Variants in TOGARAM2 observed in about 807,000 individuals in gnomAD.
TOGARAM2 encodes TOG array regulator of axonemal microtubules protein 2.
A neutral mutation model predicts 93.3 loss-of-function variants in TOGARAM2; 85 were observed. The observed-to-expected ratio is 0.91, with a 90% confidence interval of 0.76 to 1.09. The LOEUF (loss-of-function observed/expected upper bound fraction) is 1.09. Ranked by LOEUF, TOGARAM2 falls within the 50% of genes least tolerant of loss-of-function variation. The pLI is 0.00. For missense variants in TOGARAM2, 1,277 were observed against 1,334.5 expected, an observed-to-expected ratio of 0.96 and a Z score of 0.67; for synonymous variants, 593 against 552.8, an observed-to-expected ratio of 1.07 and a Z score of -1.02.
intron 17 of TOGARAM2, 125 bp downstream of exon 17, chr2:29,035,781 C>A: frequency 1.0e-6 from 1 of 956,674 alleles, no homozygotes; most frequent in Non-Finnish European, 1.4e-6. Context: ...GCCTTTGTAA[C>A]ATGGAGACTA....
chr2:29,045,302 T>G, intron 18 of TOGARAM2, 22 bp from the exon 19 acceptor site: 2 of 1,606,906 alleles, frequency 1.2e-6, no homozygotes, highest in Non-Finnish European at 1.7e-6. Flanking sequence ...GTGTGGCCAC[T>G]GACATCCCCC....
At chr2:29,014,287 A>G in intron 7 of TOGARAM2, 108 bp from the exon 8 acceptor site, 2 of 1,332,710 alleles carry the variant, frequency 1.5e-6, no homozygotes, top group Non-Finnish European at 2.1e-6. Flanking sequence ...CCATTGAGGA[A>G]GAATTGAGGG....
intron 18 of TOGARAM2, among the ~76,000 whole-genome samples, chr2:29,043,536 TCCTGGGTC>T (rs1216473778): frequency 2.2e-5 from 3 of 136,166 alleles, no homozygotes; most frequent in African/African-American, 8.0e-5. Flanking sequence ...GAAGGTCAGC[TCCTGGGTC>T]CCAGGATACA....
At chr2:29,016,578 T>C (rs935558989) in intron 8 of TOGARAM2, among the ~76,000 whole-genome samples, 1 of 152,332 alleles carries the variant, frequency 6.6e-6, no homozygotes, top group African/African-American at 2.4e-5. Context: ...CCCCCACCAG[T>C]GGAAGGCAGA....
At chr2:29,026,222 T>C (rs1665350294) in intron 13 of TOGARAM2, among the ~76,000 whole-genome samples, 1 of 152,230 alleles carries the variant, frequency 6.6e-6, no homozygotes, top group East Asian at 1.9e-4. Context: ...CTGTTCTCTG[T>C]ACATTCAGGC....
chr2:29,003,579 GC>G lies in TOGARAM2; in HGVS notation c.729del (p.Arg244GlyfsTer28). 2 of 1,596,420 alleles carry G rather than the reference GC, an allele frequency of 1.3e-6. No individual in the cohort carries two copies. Among genetic ancestry groups the G allele is most frequent in the South Asian group, 1.1e-5 (1 of 87,674 alleles). Reference sequence around the variant, plus strand: ...CATCGTGATCCCACCCATCCCAAAGGCCAGGACGGTTGCAGCGACCCCCTCC... The same window carrying G: ...CATCGTGATCCCACCCATCCCAAAGGCAGGACGGTTGCAGCGACCCCCTCC... Reference protein sequence around the residue: ...GAIVIPPIPKARTVAATPSRV... With the variant: ...GAIVIPPIPKXRTVAATPSRV... On this transcript the variant is annotated frameshift_variant, in exon 6 of 20. Transcript: ENST00000379558. LOFTEE classifies it high-confidence loss of function.
chr2:29,005,447 A>G (rs1314614819), intron 6 of TOGARAM2, among the ~76,000 whole-genome samples: 3 of 132,228 alleles, frequency 2.3e-5, no homozygotes, highest in African/African-American at 6.0e-5. Context: ...GAGTGCATGT[A>G]TGTGAGAGCA....
At chr2:29,024,403 G>T in intron 13 of TOGARAM2, 29 bp downstream of exon 13, 2 of 1,572,908 alleles carry the variant, frequency 1.3e-6, no homozygotes, top group Non-Finnish European at 8.6e-7. Context: ...TCTGAGGGGC[G>T]GGGAAGTCAG....
chr2:29,001,770 C>T (rs1392970494), intron 4 of TOGARAM2, among the ~76,000 whole-genome samples: 4 of 152,290 alleles, frequency 2.6e-5, no homozygotes, highest in Non-Finnish European at 2.9e-5. Flanking sequence ...TGTGGGATTA[C>T]AGGCGTGAGC....
chr2:29,021,403 C>G (rs941469596), intron 10 of TOGARAM2, among the ~76,000 whole-genome samples: 2 of 152,114 alleles, frequency 1.3e-5, no homozygotes, highest in African/African-American at 4.8e-5. Context: ...ACAGAGGAGC[C>G]GAGGGGCTGT....
At chr2:28,987,525 G>A (rs1367031016) in intron 1 of TOGARAM2, among the ~76,000 whole-genome samples, 1 of 152,124 alleles carries the variant, frequency 6.6e-6, no homozygotes, top group Non-Finnish European at 1.5e-5. Context: ...TCCTGACCTC[G>A]TGATCCGCCC....
chr2:28,968,748 G>A (rs2148219975), intron 1 of TOGARAM2, among the ~76,000 whole-genome samples: 1 of 149,476 alleles, frequency 6.7e-6, no homozygotes, highest in South Asian at 2.1e-4. Flanking sequence ...AGCCCAGCAG[G>A]TGGAGATTAC....
rs904513111 is a variant in TOGARAM2 at position 28,994,824 on chromosome 2, C to T, written c.-11C>T. ...CTGGGCAACCTTGTAGGCACCTTCT[C>T]CACCCAGGACATGGGCACCCGTGAC... On this transcript the variant is annotated 5_prime_UTR_variant, in exon 2 of 20. Coordinates refer to ENST00000379558, the MANE Select transcript of TOGARAM2 (RefSeq NM_199280.4). The T allele has an allele frequency of 6.4e-6, 10 of 1,552,052 alleles. No homozygotes were observed. The African/African-American group carries it at 6.8e-5, about 11-fold the overall frequency.
At chr2:28,969,812 C>CTTTTTTT in intron 1 of TOGARAM2, among the ~76,000 whole-genome samples, 1 of 127,872 alleles carries the variant, frequency 7.8e-6, no homozygotes, top group Non-Finnish European at 1.6e-5. Context: ...GGTTGTCTTC[C>CTTTTTTT]TTTTTTTTTT....
intron 1 of TOGARAM2, among the ~76,000 whole-genome samples, chr2:28,991,603 C>T (rs780164539): frequency 1.3e-5 from 2 of 152,158 alleles, no homozygotes; most frequent in Non-Finnish European, 2.9e-5. Context: ...GCTGTGGGAG[C>T]GGCAGCCCCA....
At chr2:28,964,648 C>A (rs983657747) in intron 1 of TOGARAM2, among the ~76,000 whole-genome samples, 1 of 151,180 alleles carries the variant, frequency 6.6e-6, no homozygotes, top group African/African-American at 2.4e-5. Context: ...CCCACCCAAC[C>A]CCCCAGCAGG....
chr2:28,996,768 G>A (rs1169637800), intron 2 of TOGARAM2, among the ~76,000 whole-genome samples: 1 of 124,668 alleles, frequency 8.0e-6, no homozygotes, highest in Non-Finnish European at 1.6e-5. Context: ...AGGTTGCAGT[G>A]AGCCGAGATC....
At chr2:29,030,871 G>A (rs528689583) in intron 14 of TOGARAM2, among the ~76,000 whole-genome samples, 4 of 152,234 alleles carry the variant, frequency 2.6e-5, no homozygotes, top group South Asian at 4.2e-4. Context: ...AGCCTCCATG[G>A]GACCCACCAT....
chr2:28,979,946 C>T (rs115473736), upstream of TOGARAM2, among the ~76,000 whole-genome samples: 925 of 152,328 alleles, frequency 6.1e-3, 8 homozygotes, highest in African/African-American at 0.021. Flanking sequence ...GTCACGTCCC[C>T]GCCCTGGGTT....
Sources: gnomAD v4.1 joint callset for allele counts (sites outside exome capture counted in the v4.1 genomes callset) on GRCh38, gnomAD v4.1.1 for gene constraint, MANE v1.5 for transcripts, NCBI Gene and HGNC (gene_info 2026-07-23, HGNC 2026-07-21) for gene names.